Variants in MINDY3 observed in about 807,000 individuals in gnomAD.
MINDY3 encodes ubiquitin carboxyl-terminal hydrolase MINDY-3.
Under a neutral mutation model 69.2 loss-of-function variants are expected in MINDY3, and 38 were observed. The observed-to-expected ratio is 0.55, with a 90% CI of 0.42 to 0.72. The LOEUF (loss-of-function observed/expected upper bound fraction) is 0.72, where lower values mean the gene tolerates loss of function less well. MINDY3 is among the 30% of genes least tolerant of loss of function. The probability of loss-of-function intolerance (pLI) is 0.00; values close to 1 mark genes in which losing one functional copy is unlikely to be tolerated. For synonymous variants in MINDY3, 192 were observed against 180.1 expected, an observed-to-expected ratio of 1.07 and a Z score of -0.53; for missense variants, 522 against 519.0, an observed-to-expected ratio of 1.01 and a Z score of -0.06.
chr10:15,853,909 T>G (rs1420981323), intron 1 of MINDY3, among the ~76,000 whole-genome samples: 2 of 152,104 alleles, frequency 1.3e-5, no homozygotes, highest in Admixed American at 6.5e-5. Flanking sequence ...GGAACACTTG[T>G]GTCCACTACT....
intron 1 of MINDY3, among the ~76,000 whole-genome samples, chr10:15,850,894 C>A (rs1293123046): frequency 6.6e-6 from 1 of 152,124 alleles, no homozygotes; most frequent in Non-Finnish European, 1.5e-5. Context: ...AAACTTCTCT[C>A]TTTTGTACTC....
intron 10 of MINDY3, among the ~76,000 whole-genome samples, chr10:15,814,733 T>C (rs1457442753): frequency 1.3e-5 from 2 of 152,122 alleles, no homozygotes; most frequent in African/African-American, 4.8e-5. Flanking sequence ...AATTAGAAAC[T>C]GTGTGCTGTT....
intron 10 of MINDY3, among the ~76,000 whole-genome samples, chr10:15,803,460 G>A (rs930116039): frequency 6.6e-6 from 1 of 152,068 alleles, no homozygotes; most frequent in Non-Finnish European, 1.5e-5. Context: ...AGGTATAACT[G>A]CCGTATTTTT....
At chr10:15,833,413 C>T (rs1354630290) in intron 8 of MINDY3, among the ~76,000 whole-genome samples, 1 of 152,140 alleles carries the variant, frequency 6.6e-6, no homozygotes, top group Non-Finnish European at 1.5e-5. Context: ...AGTAACTTCA[C>T]TAAAGTCATA....
At chr10:15,801,973 C>T (rs530753471) in intron 10 of MINDY3, among the ~76,000 whole-genome samples, 2 of 151,592 alleles carry the variant, frequency 1.3e-5, no homozygotes, top group East Asian at 1.9e-4. Context: ...AGGAAGATGA[C>T]GTAGAAGAAG....
At position 15,841,650 on chromosome 10, in the gene MINDY3, A is replaced by G. The variant is rs756416850; in HGVS notation, c.236-51T>C. The stretch of plus-strand genomic sequence containing the variant: ...TAATGGTTTCCTCTGGAAAAAAAAA[A>G]ATTCTGTCATGAATAACAATAGTAA... On this transcript the variant is annotated intron_variant, in intron 3 of 14. Coordinates refer to ENST00000277632, the MANE Select transcript of MINDY3 (RefSeq NM_024948.4). 2.3e-6 allele frequency: 3 copies of G among 1,292,788 alleles called. No homozygotes were observed. The East Asian group carries it at 7.3e-5, about 31-fold the overall frequency. 80.1% of individuals were successfully genotyped at this position (1,292,788 alleles called of 1,614,324 possible).
chr10:15,841,724 C>G (rs1209439880), intron 3 of MINDY3, 125 bp from the exon 4 acceptor site: 1 of 531,332 alleles, frequency 1.9e-6, no homozygotes, highest in African/African-American at 1.9e-5. Flanking sequence ...GGGGAAAAAT[C>G]TCTAAATAGA....
At chr10:15,850,629 G>C (rs138529549) in intron 1 of MINDY3, among the ~76,000 whole-genome samples, 2 of 152,160 alleles carry the variant, frequency 1.3e-5, no homozygotes, top group Admixed American at 6.5e-5. Flanking sequence ...TAGTCAGACC[G>C]GTTGTCTGCT....
At chr10:15,816,993 G>T in intron 9 of MINDY3, 78 bp from the exon 10 acceptor site, 1 of 1,053,636 alleles carries the variant, frequency 9.5e-7, no homozygotes, top group South Asian at 1.4e-5. Flanking sequence ...ATAAATATCT[G>T]AAGCATAAAG....
chr10:15,789,305 G>T lies in MINDY3; in HGVS notation c.970C>A (p.Pro324Thr). ...TYDPEDNGFIPDSLLEDVMKA... is the reference protein window; with the variant it reads ...TYDPEDNGFITDSLLEDVMKA... ...ATCACATCTTCCAGAAGTGAATCGG[G>T]TATGAATCCATTATCTAGGGGGGAA... The change falls in exon 12 of 15, where the codon CCC becomes ACC. Residue 324 changes from proline (P) to threonine (T), a missense_variant. Physicochemically the swap from Pro to Thr is conservative, Grantham distance 38. Transcript: ENST00000277632. 1 of 1,610,638 alleles carries T rather than the reference G, an allele frequency of 6.2e-7. No individual in the cohort carries two copies. Among genetic ancestry groups the T allele is most frequent in the South Asian group, 1.1e-5 (1 of 90,884 alleles).
At chr10:15,788,491 T>C (rs1165290719) in intron 12 of MINDY3, among the ~76,000 whole-genome samples, 1 of 152,112 alleles carries the variant, frequency 6.6e-6, no homozygotes, top group Admixed American at 6.6e-5. Context: ...CTGAACTCTT[T>C]CATTATGTTT....
chr10:15,800,886 G>T (rs1480542406), intron 10 of MINDY3, among the ~76,000 whole-genome samples: 3 of 152,154 alleles, frequency 2.0e-5, no homozygotes, highest in African/African-American at 4.8e-5. Flanking sequence ...GTTGCTATAG[G>T]AAAGGCACAC....
At chr10:15,791,452 A>G (rs1384176374) in intron 11 of MINDY3, among the ~76,000 whole-genome samples, 1 of 152,024 alleles carries the variant, frequency 6.6e-6, no homozygotes, top group African/African-American at 2.4e-5. Flanking sequence ...AAGCAGATCT[A>G]TGAAGAACTA....
intron 3 of MINDY3, among the ~76,000 whole-genome samples, chr10:15,842,276 C>T (rs1352684328): frequency 6.6e-6 from 1 of 151,858 alleles, no homozygotes; most frequent in Non-Finnish European, 1.5e-5. Context: ...AGGTTTCTGT[C>T]TCTCCTAATG....
chr10:15,818,154 T>C (rs1019820715), intron 9 of MINDY3: 5 of 152,212 alleles, frequency 3.3e-5, no homozygotes, highest in African/African-American at 1.2e-4. Context: ...CCTGGTCTCA[T>C]CTCAGGCAAC....
chr10:15,786,720 TTACTGGTAC>T (rs1836998597), intron 12 of MINDY3, 72 bp from the exon 13 acceptor site: 1 of 867,548 alleles, frequency 1.2e-6, no homozygotes, highest in Admixed American at 2.2e-5. Flanking sequence ...CATGATTAAA[TTACTGGTAC>T]TACAACACAT....
intron 2 of MINDY3, 71 bp from the exon 3 acceptor site, chr10:15,843,343 A>C: frequency 7.8e-7 from 1 of 1,279,602 alleles, no homozygotes; most frequent in South Asian, 1.2e-5. Flanking sequence ...TCAATTTTAA[A>C]GTGGGAAAAA....
At chr10:15,794,934 T>C (rs200279432) in intron 11 of MINDY3, among the ~76,000 whole-genome samples, 4 of 152,064 alleles carry the variant, frequency 2.6e-5, no homozygotes, top group Admixed American at 2.6e-4. Context: ...TATTCTTTAA[T>C]AGTTATTATC....
chr10:15,828,352 T>C (rs1840230223), intron 8 of MINDY3, among the ~76,000 whole-genome samples: 1 of 152,166 alleles, frequency 6.6e-6, no homozygotes, highest in Non-Finnish European at 1.5e-5. Context: ...TCTATTTCTA[T>C]GAAACATCTC....
Sources: gnomAD v4.1 joint callset for allele counts (sites outside exome capture counted in the v4.1 genomes callset) on GRCh38, gnomAD v4.1.1 for gene constraint, MANE v1.5 for transcripts, NCBI Gene and HGNC (gene_info 2026-07-23, HGNC 2026-07-21) for gene names.